Variants in WDR97 observed in about 807,000 individuals in gnomAD.
WDR97 encodes the protein WD repeat domain 97.
A neutral mutation model predicts 65.4 loss-of-function variants in WDR97; 111 were observed. That is an observed-to-expected ratio of 1.70 (90% CI 1.45 to 1.99). The LOEUF (loss-of-function observed/expected upper bound fraction) is 1.99, where lower values mean the gene tolerates loss of function less well. Ranked by LOEUF, WDR97 falls within the 30% of genes most tolerant of loss-of-function variation. WDR97 has a pLI of 0.00. For missense variants in WDR97, 1,674 were observed against 865.0 expected, an observed-to-expected ratio of 1.94 and a Z score of -11.73; for synonymous variants, 802 against 397.7, an observed-to-expected ratio of 2.02 and a Z score of -12.10.
Position 144,113,106 on chromosome 8 carries a change from T to C in WDR97, c.3106-334T>C, listed in dbSNP as rs1388096530. ...AGCTCCTTCCTTCCTCCCTGGCCCC[T>C]GTGCTTCTTTTAGACTTTCTTGTCC... On this transcript the variant is annotated intron_variant, in intron 15 of 23. Coordinates refer to ENST00000323662, the MANE Select transcript of WDR97 (RefSeq NM_001316309.2). The C allele has an allele frequency of 1.3e-5, 6 of 454,690 alleles. No individual in the cohort carries two copies. The East Asian group carries it at 2.5e-4, about 19-fold the overall frequency. The allele number at this position is 454,690 out of a possible 1,614,324, so 28.2% of individuals were successfully genotyped here.
At chr8:144,108,237 T>G (rs1564319187) in intron 2 of WDR97, 42 bp downstream of exon 2, 1 of 695,872 alleles carries the variant, frequency 1.4e-6, no homozygotes. Flanking sequence ...TCTTTCCGGA[T>G]CTGGGCCTTC....
In WDR97 at chr8:144,115,839, C is replaced by T; in HGVS notation, c.4576C>T (p.Pro1526Ser). The T allele has an allele frequency of 1.5e-6, 1 of 688,018 alleles. No individual in the cohort carries two copies. Among genetic ancestry groups the T allele is most frequent in the South Asian group, 1.5e-5 (1 of 66,150 alleles). The allele number at this position is 688,018 out of a possible 1,614,324, so 42.6% of individuals were successfully genotyped here. A position where few individuals can be genotyped will look rare whatever the true frequency, so the allele number is the denominator to read the frequency against. The change falls in exon 22 of 24, where the codon CCA (proline) becomes TCA (serine). Residue 1526 changes from proline (P) to serine (S), a missense_variant. Physicochemically the swap from Pro to Ser is moderately conservative, Grantham distance 74. Transcript: ENST00000323662. ...TVAPVPDMVV[P>S]PPREHWYHPI... ...GGCGCCGGTGCCCGACATGGTGGTGCCACCTCCGCGGGAGCACTGGTGCGC... is the reference window on the plus strand; with the variant it reads ...GGCGCCGGTGCCCGACATGGTGGTGTCACCTCCGCGGGAGCACTGGTGCGC...
chr8:144,115,225 C>T, intron 21 of WDR97, 116 bp from the exon 22 acceptor site: 1 of 566,806 alleles, frequency 1.8e-6, no homozygotes, highest in Non-Finnish European at 3.1e-6. Context: ...AGCCAGGGTG[C>T]TTGGCCATGG....
At position 144,109,998 on chromosome 8, in the gene WDR97, G is replaced by A. The variant is rs955483549; in HGVS notation, c.1664G>A (p.Cys555Tyr). The change falls in exon 5 of 24, where the codon TGC (cysteine) becomes TAC (tyrosine). Residue 555 changes from cysteine to tyrosine, a missense_variant. By Grantham distance (194) the Cys-to-Tyr change is radical (BLOSUM62 -2). Coordinates refer to ENST00000323662, the MANE Select transcript of WDR97 (RefSeq NM_001316309.2). ...IVRQHWGELR[C>Y]SSVACAWKNK... ...CGCCAGCACTGGGGCGAGTTGCGCT[G>A]CAGCTCTGTGGCCTGCGCCTGGAAG... 2.0e-5 allele frequency: 14 copies of A among 700,312 alleles called. No individual in the cohort carries two copies. The African/African-American group carries it at 2.4e-4, about 12-fold the overall frequency. 43.4% of individuals were successfully genotyped at this position (700,312 alleles called of 1,614,324 possible).
chr8:144,113,340 TG>T (rs1435619990), intron 15 of WDR97, 99 bp from the exon 16 acceptor site: 1 of 686,558 alleles, frequency 1.5e-6, no homozygotes, highest in Non-Finnish European at 2.6e-6. Context: ...AGAGCTGGAC[TG>T]GCGGCTGAGG....
rs907403514 is a variant in WDR97, at chr8:144,110,160, G to C, written c.1747G>C (p.Glu583Gln). 4.3e-6 allele frequency: 3 copies of C among 702,898 alleles called. No individual in the cohort carries two copies. The South Asian group carries it at 4.4e-5, about 10-fold the overall frequency. The allele number at this position is 702,898 out of a possible 1,614,324, so 43.5% of individuals were successfully genotyped here. Residue 583 changes from glutamate (E) to glutamine (Q), a missense_variant, in exon 6 of 24, where the codon GAG (glutamate) becomes CAG (glutamine). Physicochemically the swap from Glu to Gln is conservative, Grantham distance 29. Coordinates refer to ENST00000323662, the MANE Select transcript of WDR97 (RefSeq NM_001316309.2). ...CACGGACGGCACGCTGTCGGTGCTG[G>C]AGTGGCTCTCGTCGAAGACTGTCTT... Reference protein sequence around the residue: ...GHTDGTLSVLEWLSSKTVFQT... With the variant: ...GHTDGTLSVLQWLSSKTVFQT...
Position 144,116,085 on chromosome 8 carries a change from C to T in WDR97, c.4667-6C>T. 5 of 693,424 alleles carry T rather than the reference C, an allele frequency of 7.2e-6. No homozygotes were observed. Among genetic ancestry groups the T allele is most frequent in the South Asian group, 1.5e-5 (1 of 67,016 alleles). 43.0% of individuals were successfully genotyped at this position (693,424 alleles called of 1,614,324 possible). A position where few individuals can be genotyped will look rare whatever the true frequency, so the allele number is the denominator to read the frequency against. ...CCGGGCCTCATAAGCCTCCGCCCGC[C>T]CCCAGGCCCCATGCGGTCCCGGCTC... On this transcript the variant is annotated splice_polypyrimidine_tract_variant and splice_region_variant and intron_variant, in intron 23 of 23. Transcript: ENST00000323662.
intron 12 of WDR97, 25 bp downstream of exon 12, chr8:144,111,806 C>T: frequency 2.9e-6 from 2 of 691,010 alleles, no homozygotes; most frequent in South Asian, 1.5e-5. Context: ...TCCCCCAGCC[C>T]AGCCCTGACC....
At position 144,111,119 on chromosome 8, in the gene WDR97, C is replaced by T; in HGVS notation, c.2323C>T (p.Pro775Ser). Residue 775 changes from proline (P) to serine (S), a missense_variant, in exon 10 of 24, where the codon CCA (proline) becomes TCA (serine). By Grantham distance (74) the Pro-to-Ser change is moderately conservative. Coordinates refer to ENST00000323662, the MANE Select transcript of WDR97 (RefSeq NM_001316309.2). Reference protein sequence around the residue: ...YLVKKMCRKAPDVVDDPPLPL... With the variant: ...YLVKKMCRKASDVVDDPPLPL... ...TATTCAGAAGATGTGCCGGAAGGCC[C>T]CAGACGTGGTGGACGACCCTCCGCT... 2 of 702,804 alleles carry T rather than the reference C, an allele frequency of 2.8e-6. No individual in the cohort carries two copies. The highest frequency in any genetic ancestry group is 5.4e-5 in the East Asian group (2 of 37,272). The allele number at this position is 702,804 out of a possible 1,614,324, so 43.5% of individuals were successfully genotyped here. A position where few individuals can be genotyped will look rare whatever the true frequency, so the allele number is the denominator to read the frequency against.
At chr8:144,115,913 G>T (rs558057345) in intron 22 of WDR97, 30 bp from the exon 23 acceptor site, 1 of 700,802 alleles carries the variant, frequency 1.4e-6, no homozygotes, top group South Asian at 1.5e-5. Flanking sequence ...CGTGGGGCTG[G>T]GCCAGCTGAA....
rs746037909 is a variant in WDR97 at position 144,110,460 on chromosome 8, G to A, written c.1963G>A (p.Val655Ile). Residue 655 changes from valine to isoleucine, a missense_variant, in exon 7 of 24, where the codon GTC becomes ATC. Physicochemically the swap from Val to Ile is conservative, Grantham distance 29 (BLOSUM62 3). Transcript: ENST00000323662. ...GGCGCTCTGTGCGCTAGGCAGACGCGTCACCGCGGGCTTTGAGGACCCAGA... is the reference window on the plus strand; with the variant it reads ...GGCGCTCTGTGCGCTAGGCAGACGCATCACCGCGGGCTTTGAGGACCCAGA... ...AVALCALGRRVTAGFEDPDSA... is the reference protein window; with the variant it reads ...AVALCALGRRITAGFEDPDSA... 1.3e-5 allele frequency: 9 copies of A among 703,010 alleles called. No individual in the cohort carries two copies. The East Asian group carries it at 2.4e-4, about 19-fold the overall frequency. 43.5% of individuals were successfully genotyped at this position (703,010 alleles called of 1,614,324 possible). A position where few individuals can be genotyped will look rare whatever the true frequency, so the allele number is the denominator to read the frequency against.
Position 144,113,873 on chromosome 8 carries a change from G to A in WDR97, c.3400G>A (p.Glu1134Lys), listed in dbSNP as rs1325868964. The A allele has an allele frequency of 8.6e-6, 6 of 693,894 alleles. No individual in the cohort carries two copies. The highest frequency in any genetic ancestry group is 1.6e-5 in the Non-Finnish European group (6 of 379,398). The allele number at this position is 693,894 out of a possible 1,614,324, so 43.0% of individuals were successfully genotyped here. Residue 1134 changes from glutamate to lysine, a missense_variant, in exon 17 of 24, where the codon GAG (glutamate) becomes AAG (lysine). Glu to Lys is a moderately conservative substitution (Grantham distance 56). Coordinates refer to ENST00000323662, the MANE Select transcript of WDR97 (RefSeq NM_001316309.2). Reference sequence around the variant, plus strand: ...CCAGCAGCTGGATTCCTGGGAACTGGAGGATCAGGTAGAGGCTCAGGCAGA... The same window carrying A: ...CCAGCAGCTGGATTCCTGGGAACTGAAGGATCAGGTAGAGGCTCAGGCAGA... ...SNQQLDSWELEDQSAVDWTQE... is the reference protein window; with the variant it reads ...SNQQLDSWELKDQSAVDWTQE...
rs779536021 is a variant in WDR97 at position 144,110,086 on chromosome 8, C to T, written c.1701-28C>T. 5.7e-6 allele frequency: 4 copies of T among 699,808 alleles called. No homozygotes were observed. The South Asian group carries it at 5.9e-5, about 10-fold the overall frequency. 43.3% of individuals were successfully genotyped at this position (699,808 alleles called of 1,614,324 possible). A position where few individuals can be genotyped will look rare whatever the true frequency, so the allele number is the denominator to read the frequency against. ...GGCGGGCGGAAGGAGCGGCAGGGTC[C>T]GCGCCAACAGGCTCTTCCCACTCGC... On this transcript the variant is annotated intron_variant, in intron 5 of 23. Transcript: ENST00000323662.
intron 1 of WDR97, 87 bp downstream of exon 1, chr8:144,107,949 C>T: frequency 4.3e-6 from 3 of 701,692 alleles, no homozygotes; most frequent in South Asian, 1.5e-5. Context: ...GAACAAAACT[C>T]CCCTGGGCAG....
chr8:144,108,956 C>T lies in WDR97; in HGVS notation c.878+12C>T, dbSNP rs1163966891. The T allele has an allele frequency of 2.8e-6, 2 of 702,886 alleles. No individual in the cohort carries two copies. Among genetic ancestry groups the T allele is most frequent in the South Asian group, 1.5e-5 (1 of 67,612 alleles). 43.5% of individuals were successfully genotyped at this position (702,886 alleles called of 1,614,324 possible). On this transcript the variant is annotated intron_variant, in intron 3 of 23. Transcript: ENST00000323662. ...GATTTGCACAAAACGTGAGGGGGAT[C>T]CCCCTAGGGAGGGCCAGGCATGTAG...
Position 144,113,746 on chromosome 8 carries a change from GA to G in WDR97, c.3275del (p.Lys1092SerfsTer29). ...GGAAGCTGCTCCAATGGATGGGGGAGAAGCCTGGGGAGGAGGGGGAGGAAGA... is the reference window on the plus strand; with the variant it reads ...GGAAGCTGCTCCAATGGATGGGGGAGAGCCTGGGGAGGAGGGGGAGGAAGA... Reference protein sequence around the residue: ...QRKLLQWMGEKPGEEGEEDKK... With the variant: ...QRKLLQWMGEXPGEEGEEDKK... On this transcript the variant is annotated frameshift_variant, in exon 17 of 24. Transcript: ENST00000323662. LOFTEE classifies it high-confidence loss of function. 1.4e-6 allele frequency: 1 copy of G among 700,986 alleles called. No homozygotes were observed. Among genetic ancestry groups the G allele is most frequent in the South Asian group, 1.5e-5 (1 of 67,164 alleles). The allele number at this position is 700,986 out of a possible 1,614,324, so 43.4% of individuals were successfully genotyped here.
At position 144,118,212 on chromosome 8, in the gene WDR97, A is replaced by G. The variant is rs1009057188; in HGVS notation, c.*1919A>G. 2 of 152,228 alleles carry G rather than the reference A, an allele frequency of 1.3e-5. No homozygotes were observed. The highest frequency in any genetic ancestry group is 4.8e-5 in the African/African-American group (2 of 41,434). 9.4% of individuals were successfully genotyped at this position (152,228 alleles called of 1,614,324 possible). Reference sequence around the variant, plus strand: ...ACACCTGTAATCCCAGCTACTTGGGAGGCTGAGGCAGGAGAATCACTTGAA... The same window carrying G: ...ACACCTGTAATCCCAGCTACTTGGGGGGCTGAGGCAGGAGAATCACTTGAA... On this transcript the variant is annotated 3_prime_UTR_variant, in exon 24 of 24. Transcript: ENST00000323662.
chr8:144,108,898 C>T lies in WDR97; in HGVS notation c.832C>T (p.Leu278=). ...AYGSAVLTFD[L]HAWTLVDVRR... ...TGGCTCGGCCGTGCTCACCTTCGAT[C>T]TGCATGCCTGGACTCTCGTAGATGT... Residue 278 remains leucine (L), a synonymous_variant, in exon 3 of 24, where the codon CTG becomes TTG. Transcript: ENST00000323662. 1.4e-6 allele frequency: 1 copy of T among 702,952 alleles called. No homozygotes were observed. Among genetic ancestry groups the T allele is most frequent in the Non-Finnish European group, 2.6e-6 (1 of 384,986 alleles). 43.5% of individuals were successfully genotyped at this position (702,952 alleles called of 1,614,324 possible).
In WDR97 at chr8:144,116,972, G is replaced by T. The variant is rs1359941510; in HGVS notation, c.*679G>T. 6.6e-6 allele frequency: 1 copy of T among 152,320 alleles called. No individual in the cohort carries two copies. Among genetic ancestry groups the T allele is most frequent in the Non-Finnish European group, 1.5e-5 (1 of 68,114 alleles). The allele number at this position is 152,320 out of a possible 1,614,324, so 9.4% of individuals were successfully genotyped here. ...ACAGAGTTCTTGGGGCAGCTCTGGG[G>T]GGAATCCCCGGCTTTTACACCTGTC... On this transcript the variant is annotated 3_prime_UTR_variant, in exon 24 of 24. Coordinates refer to ENST00000323662, the MANE Select transcript of WDR97 (RefSeq NM_001316309.2).
Sources: allele counts gnomAD v4.1 joint callset, GRCh38; gene constraint gnomAD v4.1.1; transcripts MANE v1.5; gene names NCBI Gene and HGNC (gene_info 2026-07-23, HGNC 2026-07-21).